GREM2: variants seen among roughly 807,000 people sequenced by gnomAD.
The protein encoded by GREM2 is gremlin-2.
GREM2 carries 11 observed loss-of-function variants against 14.2 expected under a neutral mutation model. The ratio of observed to expected loss-of-function variants is 0.78; its 90% CI spans 0.49 to 1.28. The LOEUF is 1.28. Ranked by LOEUF, GREM2 falls within the 50% of genes most tolerant of loss-of-function variation. The pLI is 0.00. For synonymous variants in GREM2, 98 were observed against 97.6 expected, an observed-to-expected ratio of 1.00 and a Z score of -0.02; for missense variants, 210 against 218.5, an observed-to-expected ratio of 0.96 and a Z score of 0.24.
chr1:240,510,946 A>C (rs1458779280), intron 1 of GREM2, among the ~76,000 whole-genome samples: 1 of 152,212 alleles, frequency 6.6e-6, no homozygotes, highest in South Asian at 2.1e-4. Flanking sequence ...ATTATTTGCT[A>C]TTTGTAGAAA....
intron 1 of GREM2, among the ~76,000 whole-genome samples, chr1:240,604,246 T>C (rs1048820901): frequency 1.3e-5 from 2 of 151,870 alleles, no homozygotes; most frequent in African/African-American, 4.8e-5. Context: ...GGGGGTCACA[T>C]TTCAACATGT....
intron 1 of GREM2, among the ~76,000 whole-genome samples, chr1:240,584,779 T>G (rs207461311): frequency 3.3e-5 from 5 of 152,152 alleles, no homozygotes; most frequent in African/African-American, 1.2e-4. Context: ...ATTAGTATTA[T>G]AAGTATCCTA....
intron 1 of GREM2, among the ~76,000 whole-genome samples, chr1:240,592,721 C>T (rs921488316): frequency 6.6e-6 from 1 of 152,170 alleles, no homozygotes; most frequent in Non-Finnish European, 1.5e-5. Flanking sequence ...TCCATCACTG[C>T]CCCTTACACA....
chr1:240,516,879 G>A (rs1677967462), intron 1 of GREM2, among the ~76,000 whole-genome samples: 1 of 152,104 alleles, frequency 6.6e-6, no homozygotes, highest in South Asian at 2.1e-4. Context: ...GAAGATGGGG[G>A]TCGGCCAGGC....
At chr1:240,557,979 A>G (rs1678981271) in intron 1 of GREM2, among the ~76,000 whole-genome samples, 2 of 152,174 alleles carry the variant, frequency 1.3e-5, no homozygotes, top group African/African-American at 4.8e-5. Flanking sequence ...GAGAAAGAAA[A>G]ATTGCTAACT....
rs1006753520 is a variant in GREM2, at chr1:240,545,486, AAAATTGTAC to A, written c.-1-52019_-1-52011del. Among the ~76,000 whole-genome samples the A allele has an allele frequency of 5.6e-3, 242 of 42,850 alleles. 3 individuals carry two copies. The highest frequency in any genetic ancestry group is 7.0e-3 in the South Asian group (10 of 1,424). 28.1% of individuals were successfully genotyped at this position (42,850 alleles called of 152,430 possible). A position where few individuals can be genotyped will look rare whatever the true frequency, so the allele number is the denominator to read the frequency against. On this transcript the variant is annotated intron_variant, in intron 1 of 1. Transcript: ENST00000318160. ...CAAAATTAGTTGACTAATTGTAACT[AAAATTGTAC>A]AAATTGTACAAATTGTACAAAATTG...
At chr1:240,523,197 A>G (rs983139285) in intron 1 of GREM2, among the ~76,000 whole-genome samples, 1 of 152,054 alleles carries the variant, frequency 6.6e-6, no homozygotes. Flanking sequence ...TATTCAAGCA[A>G]TTCTCCCGCC....
At chr1:240,531,396 C>T (rs79135865) in intron 1 of GREM2, among the ~76,000 whole-genome samples, 2,242 of 152,296 alleles carry the variant, frequency 0.015, 21 homozygotes, top group Non-Finnish European at 0.022. Context: ...TAGACAGAAA[C>T]GTTGAAATTA....
intron 1 of GREM2, among the ~76,000 whole-genome samples, chr1:240,578,179 A>G (rs190268543): frequency 0.012 from 1,901 of 152,156 alleles, 8 homozygotes; most frequent in Middle Eastern, 0.048. Context: ...AGGCTGGAGT[A>G]CAGTGGTGCA....
chr1:240,605,871 G>T (rs1468832079), intron 1 of GREM2, among the ~76,000 whole-genome samples: 1 of 151,826 alleles, frequency 6.6e-6, no homozygotes, highest in Non-Finnish European at 1.5e-5. Flanking sequence ...TATCAAAATT[G>T]TTGATTTAGT....
chr1:240,510,235 TG>T lies in GREM2; in HGVS notation c.-1-16760del, dbSNP rs749109459. 4.9e-4 allele frequency among the ~76,000 whole-genome samples: 74 copies of T among 151,506 alleles called. 1 individual carries two copies. The highest frequency in any genetic ancestry group is 8.1e-4 in the Non-Finnish European group (55 of 67,890). ...ATACAAAGAAATGAGCCGGGCGTGG[TG>T]GCGGGCGCCTGTAGTCCCAGCTAGT... On this transcript the variant is annotated intron_variant, in intron 1 of 1. Transcript: ENST00000318160.
chr1:240,538,922 G>C (rs1183811873), intron 1 of GREM2, among the ~76,000 whole-genome samples: 1 of 152,080 alleles, frequency 6.6e-6, no homozygotes, highest in Non-Finnish European at 1.5e-5. Context: ...TCTAGATATT[G>C]CATTTTAGAA....
At chr1:240,546,954 A>T (rs1209526961) in intron 1 of GREM2, among the ~76,000 whole-genome samples, 2 of 152,192 alleles carry the variant, frequency 1.3e-5, no homozygotes, top group African/African-American at 4.8e-5. Flanking sequence ...AATGGAAGAG[A>T]ATAGACGATT....
chr1:240,513,094 A>G (rs1235830657), intron 1 of GREM2, among the ~76,000 whole-genome samples: 1 of 152,210 alleles, frequency 6.6e-6, no homozygotes, highest in African/African-American at 2.4e-5. Flanking sequence ...GAAGGACATA[A>G]AAAGAGATGA....
chr1:240,589,933 A>G (rs1679674110), intron 1 of GREM2, among the ~76,000 whole-genome samples: 1 of 152,120 alleles, frequency 6.6e-6, no homozygotes, highest in Admixed American at 6.5e-5. Flanking sequence ...GGAGTGGGGA[A>G]GGAGGAGAAA....
At position 240,523,399 on chromosome 1, in the gene GREM2, AC is replaced by A. The variant is rs568326293; in HGVS notation, c.-1-29924del. On this transcript the variant is annotated intron_variant, in intron 1 of 1. Transcript: ENST00000318160. ...ATGTTTAGTAGCATTCCTGGCTTCC[AC>A]CCATTAGACACCAGTAGCAGTTTCT... Among the ~76,000 whole-genome samples the A allele has an allele frequency of 3.0e-4, 45 of 152,290 alleles. No homozygotes were observed. The East Asian group carries it at 7.7e-3, about 26-fold the overall frequency.
intron 1 of GREM2, among the ~76,000 whole-genome samples, chr1:240,587,492 T>C (rs1381785870): frequency 6.6e-6 from 1 of 151,838 alleles, no homozygotes. Flanking sequence ...TGGCTAATTT[T>C]TGTATTTTTA....
At chr1:240,534,316 T>A (rs1000297846) in intron 1 of GREM2, among the ~76,000 whole-genome samples, 2 of 152,180 alleles carry the variant, frequency 1.3e-5, no homozygotes, top group Non-Finnish European at 2.9e-5. Context: ...TATGTGCTAC[T>A]CAATAGATTG....
At chr1:240,610,266 T>C (rs908927784) in intron 1 of GREM2, among the ~76,000 whole-genome samples, 3 of 151,904 alleles carry the variant, frequency 2.0e-5, no homozygotes, top group Admixed American at 6.6e-5. Context: ...CACAGATCAG[T>C]TCTTTACAGT....
Sources: allele counts gnomAD v4.1 joint callset (sites outside exome capture counted in the v4.1 genomes callset), GRCh38; gene constraint gnomAD v4.1.1; transcripts MANE v1.5; gene names NCBI Gene and HGNC (gene_info 2026-07-23, HGNC 2026-07-21).